The following ICA1 variants were observed in gnomAD, a reference collection of about 807,000 sequenced individuals.
ICA1 encodes the protein 69 kDa islet cell autoantigen.
ICA1 carries 40 observed loss-of-function variants against 71.0 expected under a neutral mutation model. The observed-to-expected ratio is 0.56, with a 90% CI of 0.44 to 0.73. The LOEUF (loss-of-function observed/expected upper bound fraction) is 0.73, where lower values mean the gene tolerates loss of function less well. Among genes scored for constraint, ICA1 ranks in the 30% least tolerant of loss-of-function variants. ICA1 has a pLI of 0.00. For missense variants in ICA1, 578 were observed against 576.5 expected, an observed-to-expected ratio of 1.00 and a Z score of -0.03; for synonymous variants, 207 against 209.5, an observed-to-expected ratio of 0.99 and a Z score of 0.10.
chr7:8,166,442 G>T (rs1025382348), intron 6 of ICA1, among the ~76,000 whole-genome samples: 2 of 152,150 alleles, frequency 1.3e-5, no homozygotes, highest in Non-Finnish European at 2.9e-5. Context: ...CTAGGCATAT[G>T]CAGAAGACTG....
intron 6 of ICA1, among the ~76,000 whole-genome samples, chr7:8,186,758 A>T (rs999277167): frequency 6.6e-6 from 1 of 152,210 alleles, no homozygotes; most frequent in Non-Finnish European, 1.5e-5. Flanking sequence ...AATGTACTCA[A>T]TTTGATGGGT....
chr7:8,176,010 A>G (rs535349794), intron 6 of ICA1, among the ~76,000 whole-genome samples: 71 of 152,304 alleles, frequency 4.7e-4, no homozygotes, highest in African/African-American at 1.6e-3. Context: ...CTCCTGTTTT[A>G]CAACTGTTTC....
intron 2 of ICA1, among the ~76,000 whole-genome samples, chr7:8,233,514 C>T (rs1202505730): frequency 2.0e-5 from 3 of 151,758 alleles, no homozygotes; most frequent in Admixed American, 1.3e-4. Flanking sequence ...CTGCCTAGGC[C>T]TCCTGAGTAG....
chr7:8,240,974 A>C (rs2128487221), intron 1 of ICA1, among the ~76,000 whole-genome samples: 1 of 152,354 alleles, frequency 6.6e-6, no homozygotes, highest in Admixed American at 6.5e-5. Flanking sequence ...GAATGGAACC[A>C]AGCTGGAAAA....
chr7:8,260,329 G>A (rs1811811829), intron 1 of ICA1, among the ~76,000 whole-genome samples: 1 of 152,134 alleles, frequency 6.6e-6, no homozygotes, highest in Non-Finnish European at 1.5e-5. Context: ...TTTATGCACT[G>A]CGGTAAAGAT....
At chr7:8,185,682 T>A (rs1783680353) in intron 6 of ICA1, among the ~76,000 whole-genome samples, 1 of 152,216 alleles carries the variant, frequency 6.6e-6, no homozygotes, top group Non-Finnish European at 1.5e-5. Flanking sequence ...CTCGAATGTT[T>A]CTATTTAGGC....
intron 6 of ICA1, among the ~76,000 whole-genome samples, chr7:8,185,577 C>A (rs761984284): frequency 2.0e-5 from 3 of 152,150 alleles, no homozygotes; most frequent in Non-Finnish European, 4.4e-5. Flanking sequence ...TTTACCAAGC[C>A]CTCCAGAAGA....
At chr7:8,159,485 G>A (rs1196988708) in intron 6 of ICA1, among the ~76,000 whole-genome samples, 1 of 152,218 alleles carries the variant, frequency 6.6e-6, no homozygotes, top group African/African-American at 2.4e-5. Flanking sequence ...GCTGAGGTGG[G>A]TGGATCACTT....
chr7:8,197,699 G>C (rs1171647277), intron 6 of ICA1, among the ~76,000 whole-genome samples: 4 of 151,404 alleles, frequency 2.6e-5, no homozygotes, highest in Admixed American at 2.0e-4. Flanking sequence ...AACTCTAAGG[G>C]GGCACAAACG....
chr7:8,206,105 G>T (rs947967542), intron 6 of ICA1, among the ~76,000 whole-genome samples: 2 of 151,974 alleles, frequency 1.3e-5, no homozygotes, highest in African/African-American at 2.4e-5. Context: ...TGAGATATGT[G>T]GGAAAAGTTG....
intron 5 of ICA1, chr7:8,219,030 T>C (rs1388914373): frequency 5.7e-6 from 1 of 173,972 alleles, no homozygotes; most frequent in Non-Finnish European, 1.3e-5. Context: ...GACCAGCACA[T>C]TTACTGAGAG....
intron 13 of ICA1, among the ~76,000 whole-genome samples, chr7:8,126,298 C>T (rs1397796214): frequency 1.3e-5 from 2 of 152,166 alleles, no homozygotes; most frequent in Non-Finnish European, 2.9e-5. Context: ...CCTCGACTCT[C>T]TCAGGGCTTC....
intron 6 of ICA1, among the ~76,000 whole-genome samples, chr7:8,202,731 A>G (rs948525587): frequency 2.0e-5 from 3 of 152,192 alleles, no homozygotes; most frequent in Non-Finnish European, 4.4e-5. Flanking sequence ...CCAGGAAGAT[A>G]TTTCTTAAGA....
At chr7:8,187,452 A>G (rs1012985644) in intron 6 of ICA1, among the ~76,000 whole-genome samples, 2 of 152,210 alleles carry the variant, frequency 1.3e-5, no homozygotes, top group African/African-American at 2.4e-5. Flanking sequence ...CAGGCCTGGA[A>G]GTTGTTCTGG....
chr7:8,214,125 T>C (rs867461975), intron 6 of ICA1, among the ~76,000 whole-genome samples: 4 of 152,186 alleles, frequency 2.6e-5, no homozygotes, highest in Non-Finnish European at 5.9e-5. Context: ...ACTATCTCTT[T>C]AGAGGATTCA....
chr7:8,175,943 T>A (rs149420607), intron 6 of ICA1, among the ~76,000 whole-genome samples: 279 of 152,296 alleles, frequency 1.8e-3, no homozygotes, highest in African/African-American at 6.5e-3. Flanking sequence ...GCCTCGTCAG[T>A]CTTTGGTTCC....
At chr7:8,148,660 C>T (rs993109558) in intron 8 of ICA1, among the ~76,000 whole-genome samples, 5 of 152,048 alleles carry the variant, frequency 3.3e-5, no homozygotes, top group Admixed American at 2.6e-4. Flanking sequence ...CAGAGTGGGA[C>T]GACCATCACC....
intron 6 of ICA1, among the ~76,000 whole-genome samples, chr7:8,179,055 C>T (rs961907113): frequency 5.3e-5 from 8 of 152,152 alleles, no homozygotes; most frequent in African/African-American, 1.9e-4. Context: ...CTCTTCCATA[C>T]AGGCTCCTGT....
chr7:8,126,977 AT>A (rs35052494), intron 13 of ICA1, among the ~76,000 whole-genome samples: 45,686 of 137,430 alleles, frequency 0.33, 7,756 homozygotes, highest in African/African-American at 0.48. Context: ...CCCCTCCAGC[AT>A]TTTTTTTTTT....
Sources: allele counts gnomAD v4.1 joint callset (sites outside exome capture counted in the v4.1 genomes callset), GRCh38; gene constraint gnomAD v4.1.1; transcripts MANE v1.5; gene names NCBI Gene and HGNC (gene_info 2026-07-23, HGNC 2026-07-21).